NUCKS1: variants seen among roughly 807,000 people sequenced by gnomAD.
NUCKS1 encodes nuclear ubiquitous casein and cyclin-dependent kinase substrate 1.
NUCKS1 carries 2 observed loss-of-function variants against 33.0 expected under a neutral mutation model. The ratio of observed to expected loss-of-function variants is 0.06; its 90% CI spans 0.02 to 0.19. The LOEUF (loss-of-function observed/expected upper bound fraction) is 0.19. Ranked by LOEUF, NUCKS1 falls within the 10% of genes least tolerant of loss-of-function variation. NUCKS1 has a pLI of 1.00. For missense variants in NUCKS1, 201 were observed against 293.6 expected (o/e 0.68, Z 2.31); for synonymous variants, 106 against 102.8 (o/e 1.03, Z -0.19).
chr1:205,714,761 T>C lies in NUCKS1; in HGVS notation c.*3519A>G, dbSNP rs1410855661. The C allele has an allele frequency of 6.6e-6, 1 of 152,214 alleles. No homozygotes were observed. The highest frequency in any genetic ancestry group is 1.5e-5 in the Non-Finnish European group (1 of 68,034). The allele number at this position is 152,214 out of a possible 1,614,324, so 9.4% of individuals were successfully genotyped here. ...TGGCAGGAAATGCGTATTACTTCTG[T>C]TCTGTTTAAGCATCTCAGTCTAAAT... is the stretch of plus-strand genomic sequence containing the variant. On this transcript the variant is annotated 3_prime_UTR_variant, in exon 7 of 7. Transcript: ENST00000367142.
Position 205,718,106 on chromosome 1 carries a change from AG to A in NUCKS1, c.*173del. The stretch of plus-strand genomic sequence containing the variant: ...GCTTTAAAAAAAAAAAAAAAAAAAG[AG>A]AGAGAGAGAGAAATGTTACTTTCAA... On this transcript the variant is annotated 3_prime_UTR_variant, in exon 7 of 7. Coordinates refer to ENST00000367142, the MANE Select transcript of NUCKS1 (RefSeq NM_022731.5). 3 of 1,151,884 alleles carry A rather than the reference AG, an allele frequency of 2.6e-6. No individual in the cohort carries two copies. Among genetic ancestry groups the A allele is most frequent in the Non-Finnish European group, 3.2e-6 (3 of 926,322 alleles). The allele number at this position is 1,151,884 out of a possible 1,614,324, so 71.4% of individuals were successfully genotyped here. A position where few individuals can be genotyped will look rare whatever the true frequency, so the allele number is the denominator to read the frequency against.
In NUCKS1 at chr1:205,718,394, T is replaced by C. The variant is rs770672139; in HGVS notation, c.618A>G (p.Lys206=). 1.9e-6 allele frequency: 3 copies of C among 1,613,640 alleles called. No individual in the cohort carries two copies. Among genetic ancestry groups the C allele is most frequent in the Non-Finnish European group, 2.5e-6 (3 of 1,179,994 alleles). Residue 206 remains lysine (K), a synonymous_variant, in exon 7 of 7, where the codon AAA becomes AAG. Coordinates refer to ENST00000367142, the MANE Select transcript of NUCKS1 (RefSeq NM_022731.5). ...GGCTTTCCGGTTCCTCATCTTCTTC[T>C]TTGGGAGAAGGAGTCTTTTCCTTTG... The part of the protein sequence containing the change: ...KASKEKTPSP[K]EEDEEPESPP...
chr1:205,723,063 TTATCA>T (rs776651983), intron 4 of NUCKS1, among the ~76,000 whole-genome samples: 11 of 152,208 alleles, frequency 7.2e-5, no homozygotes, highest in Non-Finnish European at 1.0e-4. Flanking sequence ...ATATACTCTA[TTATCA>T]CAGGATCACC....
In NUCKS1 at chr1:205,717,745, TGA is replaced by T; in HGVS notation, c.*533_*534del. The T allele has an allele frequency of 1.0e-6, 1 of 984,740 alleles. No individual in the cohort carries two copies. Among genetic ancestry groups the T allele is most frequent in the Non-Finnish European group, 1.2e-6 (1 of 829,352 alleles). The allele number at this position is 984,740 out of a possible 1,614,324, so 61.0% of individuals were successfully genotyped here. A position where few individuals can be genotyped will look rare whatever the true frequency, so the allele number is the denominator to read the frequency against. ...TAAAGTCATGATTTTTTTTAGACAT[TGA>T]TACTTGTGTCTATAGACAAATAAAC... On this transcript the variant is annotated 3_prime_UTR_variant, in exon 7 of 7. Coordinates refer to ENST00000367142, the MANE Select transcript of NUCKS1 (RefSeq NM_022731.5).
chr1:205,733,392 G>A (rs1317713661), intron 1 of NUCKS1, among the ~76,000 whole-genome samples: 1 of 152,158 alleles, frequency 6.6e-6, no homozygotes, highest in Non-Finnish European at 1.5e-5. Flanking sequence ...TCAACATAAA[G>A]AGCTTTAACT....
intron 5 of NUCKS1, among the ~76,000 whole-genome samples, chr1:205,720,091 A>T (rs1207000181): frequency 6.6e-6 from 1 of 152,242 alleles, no homozygotes; most frequent in African/African-American, 2.4e-5. Context: ...CAAAACAAAA[A>T]TACATAGGAT....
At chr1:205,721,775 A>G (rs1374323479) in intron 4 of NUCKS1, among the ~76,000 whole-genome samples, 1 of 151,960 alleles carries the variant, frequency 6.6e-6, no homozygotes, top group African/African-American at 2.4e-5. Flanking sequence ...CCCAGGTTCA[A>G]GCGATTCTCC....
Position 205,713,774 on chromosome 1 carries a change from G to C in NUCKS1, c.*4506C>G, listed in dbSNP as rs1177181130. On this transcript the variant is annotated 3_prime_UTR_variant, in exon 7 of 7. Transcript: ENST00000367142. ...GTATCTAGCAACATTGCAGTATGAAGAAAAGAGATGCCCCGGTCTCAGCCC... is the reference window on the plus strand; with the variant it reads ...GTATCTAGCAACATTGCAGTATGAACAAAAGAGATGCCCCGGTCTCAGCCC... 6.6e-6 allele frequency: 1 copy of C among 152,200 alleles called. No homozygotes were observed. Among genetic ancestry groups the C allele is most frequent in the African/African-American group, 2.4e-5 (1 of 41,436 alleles). The allele number at this position is 152,200 out of a possible 1,614,324, so 9.4% of individuals were successfully genotyped here.
intron 1 of NUCKS1, among the ~76,000 whole-genome samples, chr1:205,747,139 C>T (rs1456250435): frequency 6.6e-6 from 1 of 152,108 alleles, no homozygotes; most frequent in Non-Finnish European, 1.5e-5. Context: ...TAATATTGAT[C>T]GGGCAGAAGG....
rs74905356 is a variant in NUCKS1 at position 205,731,582 on chromosome 1, A to G, written c.18-1961T>C. On this transcript the variant is annotated intron_variant, in intron 1 of 6. Transcript: ENST00000367142. ...CTGTTACTGTAGGCCTAAATTGATCAAGTGAACTTAAAAAATTAAGAGAAA... is the reference window on the plus strand; with the variant it reads ...CTGTTACTGTAGGCCTAAATTGATCGAGTGAACTTAAAAAATTAAGAGAAA... Among the ~76,000 whole-genome samples the G allele has an allele frequency of 6.5e-3, 990 of 152,272 alleles. 15 individuals carry two copies. Among genetic ancestry groups the G allele is most frequent in the African/African-American group, 0.023 (964 of 41,572 alleles).
intron 1 of NUCKS1, among the ~76,000 whole-genome samples, chr1:205,744,837 G>A (rs886444393): frequency 3.3e-5 from 5 of 152,028 alleles, no homozygotes; most frequent in African/African-American, 1.2e-4. Context: ...TCTCCATGTT[G>A]GTCAGGCTGG....
chr1:205,718,528 T>C lies in NUCKS1; in HGVS notation c.533-49A>G, dbSNP rs780947268. 9 of 1,593,214 alleles carry C rather than the reference T, an allele frequency of 5.6e-6. No homozygotes were observed. The African/African-American group carries it at 1.2e-4, about 22-fold the overall frequency. On this transcript the variant is annotated intron_variant, in intron 6 of 6. Coordinates refer to ENST00000367142, the MANE Select transcript of NUCKS1 (RefSeq NM_022731.5). ...GGAAGGGAAGAGAAAAAAATGTCTT[T>C]AATAAAAGTCAGCTACAAAATACAA...
chr1:205,718,504 G>A, intron 6 of NUCKS1, 25 bp from the exon 7 acceptor site: 1 of 1,599,324 alleles, frequency 6.3e-7, no homozygotes, highest in Non-Finnish European at 8.5e-7. Context: ...ATAATTTGGG[G>A]AAGGGAAGAG....
At chr1:205,745,503 T>C (rs1654299023) in intron 1 of NUCKS1, among the ~76,000 whole-genome samples, 1 of 151,904 alleles carries the variant, frequency 6.6e-6, no homozygotes, top group Non-Finnish European at 1.5e-5. Flanking sequence ...AAAAAAAGTA[T>C]CTCTGAAAAT....
chr1:205,732,579 G>A (rs979266608), intron 1 of NUCKS1, among the ~76,000 whole-genome samples: 5 of 151,944 alleles, frequency 3.3e-5, no homozygotes, highest in Admixed American at 6.6e-5. Context: ...TCAAAAGATC[G>A]AGACCATCCT....
intron 1 of NUCKS1, among the ~76,000 whole-genome samples, chr1:205,749,356 C>G (rs1174695517): frequency 6.6e-6 from 1 of 152,258 alleles, no homozygotes; most frequent in Non-Finnish European, 1.5e-5. Context: ...CGGGTCCCGC[C>G]CACGCTCGGC....
intron 1 of NUCKS1, among the ~76,000 whole-genome samples, chr1:205,746,823 G>A (rs1571592542): frequency 6.6e-6 from 1 of 152,160 alleles, no homozygotes; most frequent in East Asian, 1.9e-4. Context: ...CAATGGTAAG[G>A]TTCCTTACAA....
chr1:205,721,882 C>G (rs1671924610), intron 4 of NUCKS1, among the ~76,000 whole-genome samples: 1 of 152,008 alleles, frequency 6.6e-6, no homozygotes, highest in Admixed American at 6.6e-5. Flanking sequence ...CCATGTTGGT[C>G]AGGCTGGTCT....
rs559370286 is a variant in NUCKS1 at position 205,715,913 on chromosome 1, GTCC to G, written c.*2364_*2366del. The G allele has an allele frequency of 6.6e-6, 1 of 152,160 alleles. No individual in the cohort carries two copies. The highest frequency in any genetic ancestry group is 2.1e-4 in the South Asian group (1 of 4,834). The allele number at this position is 152,160 out of a possible 1,614,324, so 9.4% of individuals were successfully genotyped here. On this transcript the variant is annotated 3_prime_UTR_variant, in exon 7 of 7. Coordinates refer to ENST00000367142, the MANE Select transcript of NUCKS1 (RefSeq NM_022731.5). ...TGTATCCAGTTGAGTCACCACCACTGTCCTCCTATTTGCATGCATGATTTGAGG... is the reference window on the plus strand; with the variant it reads ...TGTATCCAGTTGAGTCACCACCACTGTCCTATTTGCATGCATGATTTGAGG...
Sources: allele counts gnomAD v4.1 joint callset (sites outside exome capture counted in the v4.1 genomes callset), GRCh38; gene constraint gnomAD v4.1.1; transcripts MANE v1.5; gene names NCBI Gene and HGNC (gene_info 2026-07-23, HGNC 2026-07-21).